The following HERC1 variants were observed in gnomAD, a reference collection of about 807,000 sequenced individuals.
HERC1 encodes the protein HECT and RLD domain containing E3 ubiquitin protein ligase family member 1, also known as probable E3 ubiquitin-protein ligase HERC1.
A neutral mutation model predicts 554.3 loss-of-function variants in HERC1; 160 were observed. The ratio of observed to expected loss-of-function variants is 0.29; its 90% CI spans 0.25 to 0.33. The LOEUF (loss-of-function observed/expected upper bound fraction) is 0.33, where lower values mean the gene tolerates loss of function less well. Among genes scored for constraint, HERC1 ranks in the 10% least tolerant of loss-of-function variants. HERC1 has a pLI of 1.00. For missense variants in HERC1, 4,919 were observed against 5,918.5 expected, an observed-to-expected ratio of 0.83 and a Z score of 5.54; for synonymous variants, 2,175 against 2,131.7, an observed-to-expected ratio of 1.02 and a Z score of -0.56.
At chr15:63,828,996 T>C (rs1024427285) in intron 1 of HERC1, among the ~76,000 whole-genome samples, 4 of 152,294 alleles carry the variant, frequency 2.6e-5, no homozygotes, top group African/African-American at 9.6e-5. Flanking sequence ...AACAAATAAG[T>C]GAGTATACTT....
chr15:63,683,820 T>C (rs2071606567), intron 34 of HERC1, among the ~76,000 whole-genome samples: 1 of 152,212 alleles, frequency 6.6e-6, no homozygotes. Flanking sequence ...TGGCCCCATC[T>C]AGATTTAACT....
chr15:63,608,993 C>T lies in HERC1; in HGVS notation c.*88G>A, dbSNP rs749110220. On this transcript the variant is annotated 3_prime_UTR_variant, in exon 78 of 78. Coordinates refer to ENST00000443617, the MANE Select transcript of HERC1 (RefSeq NM_003922.4). The stretch of plus-strand genomic sequence containing the variant: ...ATGTTGGTTTATGTTCTTATAACAT[C>T]TATGTAGTTACCATAAAAGTATATC... The T allele has an allele frequency of 8.5e-7, 1 of 1,175,308 alleles. No individual in the cohort carries two copies. Among genetic ancestry groups the T allele is most frequent in the Non-Finnish European group, 1.2e-6 (1 of 836,044 alleles). The allele number at this position is 1,175,308 out of a possible 1,614,324, so 72.8% of individuals were successfully genotyped here.
rs1328608032 is a variant in HERC1, at chr15:63,649,729, C to T, written c.10743G>A (p.Lys3581=). 3 of 1,612,898 alleles carry T rather than the reference C, an allele frequency of 1.9e-6. No individual in the cohort carries two copies. The highest frequency in any genetic ancestry group is 2.5e-6 in the Non-Finnish European group (3 of 1,179,282). The change falls in exon 54 of 78, where the codon AAG becomes AAA. Residue 3581 remains lysine (K), a synonymous_variant. Transcript: ENST00000443617. Reference sequence around the variant, plus strand: ...GACGTAAGTGCAGTCATTTACCATCCTTTCGATAGCAATGCTCCAATTCTC... The same window carrying T: ...GACGTAAGTGCAGTCATTTACCATCTTTTCGATAGCAATGCTCCAATTCTC... ...HRRELEHCYR[K]DVSVTCIAWF...
intron 25 of HERC1, among the ~76,000 whole-genome samples, chr15:63,700,493 T>G (rs927234922): frequency 6.6e-6 from 1 of 152,018 alleles, no homozygotes; most frequent in Admixed American, 6.5e-5. Flanking sequence ...TATACTGGTG[T>G]CAATTAAACC....
At chr15:63,705,349 C>A (rs1038514367) in intron 25 of HERC1, among the ~76,000 whole-genome samples, 4 of 151,798 alleles carry the variant, frequency 2.6e-5, no homozygotes, top group African/African-American at 9.7e-5. Context: ...AGACAGGGGT[C>A]TCACTATGTT....
chr15:63,769,233 C>A (rs745748562), intron 2 of HERC1, among the ~76,000 whole-genome samples: 1 of 152,112 alleles, frequency 6.6e-6, no homozygotes, highest in Non-Finnish European at 1.5e-5. Flanking sequence ...GCCTGGCCAA[C>A]ATGGCAAAAC....
chr15:63,754,676 G>T, intron 6 of HERC1, 28 bp from the exon 7 acceptor site: 3 of 1,598,152 alleles, frequency 1.9e-6, no homozygotes, highest in Non-Finnish European at 2.6e-6. Flanking sequence ...CAACAACAAA[G>T]AAACAACATT....
chr15:63,656,685 G>A (rs987753722), intron 48 of HERC1, among the ~76,000 whole-genome samples: 1 of 152,198 alleles, frequency 6.6e-6, no homozygotes, highest in Admixed American at 6.5e-5. Flanking sequence ...AACATTGCCA[G>A]TACCTCAGAA....
In HERC1 at chr15:63,720,007, T is replaced by C. The variant is rs116242351; in HGVS notation, c.3743-1110A>G. On this transcript the variant is annotated intron_variant, in intron 19 of 77. Coordinates refer to ENST00000443617, the MANE Select transcript of HERC1 (RefSeq NM_003922.4). ...CAAGTACATTTAAGTGGGTAAGAAA[T>C]GAAACAACATTTCTTAAAACAGAAA... Among the ~76,000 whole-genome samples, 765 of 149,646 alleles carry C rather than the reference T, an allele frequency of 5.1e-3. 11 individuals carry two copies. Among genetic ancestry groups the C allele is most frequent in the African/African-American group, 0.018 (736 of 40,484 alleles).
At chr15:63,609,331 C>A in intron 77 of HERC1, 65 bp from the exon 78 acceptor site, 1 of 1,378,866 alleles carries the variant, frequency 7.3e-7, no homozygotes, top group Non-Finnish European at 9.8e-7. Context: ...AGTGGGGCTG[C>A]CCATGACCTC....
chr15:63,662,940 G>T, intron 44 of HERC1, 44 bp downstream of exon 44: 2 of 1,451,742 alleles, frequency 1.4e-6, no homozygotes, highest in African/African-American at 1.4e-5. Context: ...GAACAGGAGG[G>T]CAGGAAAATA....
rs114563781 is a variant in HERC1 at position 63,730,738 on chromosome 15, C to T, written c.2869-1089G>A. On this transcript the variant is annotated intron_variant, in intron 14 of 77. Transcript: ENST00000443617. ...GCTTAAATACTTAGCGGCAGCCAGC[C>T]ATCTGCAATTTACTCTCAAATGATT... 4.4e-3 allele frequency among the ~76,000 whole-genome samples: 667 copies of T among 152,210 alleles called. 4 individuals carry two copies. The highest frequency in any genetic ancestry group is 0.015 in the African/African-American group (621 of 41,546).
intron 50 of HERC1, among the ~76,000 whole-genome samples, chr15:63,654,895 C>T (rs2069933624): frequency 6.6e-6 from 1 of 151,812 alleles, no homozygotes; most frequent in African/African-American, 2.4e-5. Context: ...TATTATACAA[C>T]AATCAATAGT....
intron 74 of HERC1, among the ~76,000 whole-genome samples, chr15:63,622,116 T>C (rs2068103796): frequency 1.3e-5 from 2 of 152,170 alleles, no homozygotes; most frequent in Non-Finnish European, 2.9e-5. Context: ...ATAAAGATAG[T>C]ATGTAATTGC....
intron 1 of HERC1, among the ~76,000 whole-genome samples, chr15:63,827,784 T>C (rs78158636): frequency 0.027 from 4,096 of 152,338 alleles, 73 homozygotes; most frequent in African/African-American, 0.051. Flanking sequence ...TATATTCACA[T>C]AACGGAATAA....
intron 38 of HERC1, among the ~76,000 whole-genome samples, chr15:63,673,585 CT>C (rs2071043865): frequency 6.6e-6 from 1 of 151,758 alleles, no homozygotes; most frequent in South Asian, 2.1e-4. Flanking sequence ...ATTTTTATTT[CT>C]GCATTCATAT....
chr15:63,746,078 G>A (rs184137485), intron 12 of HERC1, among the ~76,000 whole-genome samples: 40 of 151,702 alleles, frequency 2.6e-4, no homozygotes, highest in Non-Finnish European at 1.9e-4. Flanking sequence ...GCTTTGGGTT[G>A]AGTTGACTCT....
At chr15:63,773,593 G>A (rs1282508048) in intron 2 of HERC1, among the ~76,000 whole-genome samples, 1 of 150,516 alleles carries the variant, frequency 6.6e-6, no homozygotes, top group Non-Finnish European at 1.5e-5. Flanking sequence ...TGTTGCCCAG[G>A]AGTGTTGTGG....
intron 1 of HERC1, among the ~76,000 whole-genome samples, chr15:63,789,006 G>A (rs1204122247): frequency 6.8e-6 from 1 of 147,204 alleles, no homozygotes; most frequent in Middle Eastern, 3.7e-3. Flanking sequence ...ATGTTGAGAT[G>A]TTAAAAGTAA....
Sources: gnomAD v4.1 joint callset for allele counts (sites outside exome capture counted in the v4.1 genomes callset) on GRCh38, gnomAD v4.1.1 for gene constraint, MANE v1.5 for transcripts, NCBI Gene and HGNC (gene_info 2026-07-23, HGNC 2026-07-21) for gene names.